The following NRXN3 variants were observed in gnomAD, a reference collection of about 807,000 sequenced individuals.
The protein encoded by NRXN3 is neurexin 3.
Under a neutral mutation model 137.6 loss-of-function variants are expected in NRXN3, and 32 were observed. That is an observed-to-expected ratio of 0.23 (90% CI 0.18 to 0.31). The LOEUF is 0.31. Among genes scored for constraint, NRXN3 ranks in the 10% least tolerant of loss-of-function variants. The pLI, the probability that NRXN3 is intolerant of heterozygous loss-of-function variation, is 1.00. For synonymous variants in NRXN3, 798 were observed against 784.5 expected (o/e 1.02, Z -0.29); for missense variants, 1,574 against 2,062.5 (o/e 0.76, Z 4.59).
chr14:78,252,002 C>A (rs1264378322), intron 2 of NRXN3, among the ~76,000 whole-genome samples: 1 of 152,056 alleles, frequency 6.6e-6, no homozygotes, highest in Non-Finnish European at 1.5e-5. Context: ...AGTGGGTTGT[C>A]ATTATTGCTG....
At chr14:78,526,874 C>A in intron 4 of NRXN3, 3 of 445,802 alleles carry the variant, frequency 6.7e-6, no homozygotes, top group South Asian at 4.9e-5. Flanking sequence ...CAGAAATACA[C>A]CAAAGAAGCT....
intron 4 of NRXN3, among the ~76,000 whole-genome samples, chr14:78,588,775 A>C (rs1193905176): frequency 1.3e-5 from 2 of 152,230 alleles, no homozygotes; most frequent in Non-Finnish European, 2.9e-5. Flanking sequence ...TTGCTTTCTC[A>C]GTCCCTTGTC....
chr14:78,834,215 A>T (rs1244172148), intron 10 of NRXN3, among the ~76,000 whole-genome samples: 1 of 152,140 alleles, frequency 6.6e-6, no homozygotes, highest in Non-Finnish European at 1.5e-5. Flanking sequence ...GGAAACATTT[A>T]TAAATAAATG....
intron 1 of NRXN3, among the ~76,000 whole-genome samples, chr14:78,189,921 C>T (rs1040766519): frequency 6.6e-6 from 1 of 152,188 alleles, no homozygotes. Context: ...GCACTTTCCT[C>T]CCCTAGCACT....
rs545853025 is a variant in NRXN3, at chr14:78,170,952, CTTTT to C, written c.-704+294_-704+297del. The stretch of plus-strand genomic sequence containing the variant: ...TGTTTTAGATTTTTATCTTCTTCTT[CTTTT>C]TTTTTTTTTTTTTTTGAGTCTTTCT... On this transcript the variant is annotated intron_variant, in intron 1 of 20. Coordinates refer to ENST00000335750, the MANE Select transcript of NRXN3 (RefSeq NM_001330195.2). Among the ~76,000 whole-genome samples the C allele has an allele frequency of 1.9e-3, 241 of 126,162 alleles. 1 individual carries two copies. The East Asian group carries it at 0.023, about 12-fold the overall frequency. The allele number at this position is 126,162 out of a possible 152,430, so 82.8% of individuals were successfully genotyped here.
intron 15 of NRXN3, among the ~76,000 whole-genome samples, chr14:79,175,663 A>G (rs1018365694): frequency 7.9e-5 from 12 of 152,218 alleles, no homozygotes; most frequent in African/African-American, 2.7e-4. Context: ...TTACACGTTC[A>G]CTGTTTTCAT....
chr14:79,596,555 G>A (rs1019306720), intron 16 of NRXN3, among the ~76,000 whole-genome samples: 28 of 150,652 alleles, frequency 1.9e-4, no homozygotes, highest in Admixed American at 1.7e-3. Flanking sequence ...ACCTGAGAGG[G>A]GCTTCTGGCC....
chr14:79,706,320 C>T (rs968163052), intron 19 of NRXN3, among the ~76,000 whole-genome samples: 4 of 152,076 alleles, frequency 2.6e-5, no homozygotes, highest in African/African-American at 7.2e-5. Flanking sequence ...TTCTTCCTTT[C>T]CAAATAACTT....
chr14:79,790,918 G>T (rs1402890584), intron 19 of NRXN3, among the ~76,000 whole-genome samples: 1 of 151,910 alleles, frequency 6.6e-6, no homozygotes, highest in East Asian at 1.9e-4. Flanking sequence ...CAAAGTGCTG[G>T]GATTACAGGC....
At chr14:79,766,565 A>G (rs1297348110) in intron 19 of NRXN3, among the ~76,000 whole-genome samples, 1 of 152,182 alleles carries the variant, frequency 6.6e-6, no homozygotes, top group Non-Finnish European at 1.5e-5. Flanking sequence ...ATTCTGGGGA[A>G]TTGGATTCAA....
rs1347762369 is a variant in NRXN3 at position 79,049,050 on chromosome 14, AAAAAAAAAAAAAAAAAAAAAAAAAT to A, written c.3262+60912_3262+60936del. Among the ~76,000 whole-genome samples the A allele has an allele frequency of 1.0e-3, 67 of 64,866 alleles. 2 individuals are homozygous for A. The highest frequency in any genetic ancestry group is 3.5e-3 in the African/African-American group (55 of 15,794). The allele number at this position is 64,866 out of a possible 152,430, so 42.6% of individuals were successfully genotyped here. A position where few individuals can be genotyped will look rare whatever the true frequency, so the allele number is the denominator to read the frequency against. ...AAAAAAAAAAAAAAAAAAAAAAAAA[AAAAAAAAAAAAAAAAAAAAAAAAAT>A]AATAATAATAATAATAATAATATGA... On this transcript the variant is annotated intron_variant, in intron 15 of 20. Coordinates refer to ENST00000335750, the MANE Select transcript of NRXN3 (RefSeq NM_001330195.2).
chr14:78,556,107 C>G (rs1413089316), intron 4 of NRXN3, among the ~76,000 whole-genome samples: 1 of 152,206 alleles, frequency 6.6e-6, no homozygotes, highest in Non-Finnish European at 1.5e-5. Flanking sequence ...CAGGCTGCTG[C>G]TGAAGAGGTG....
At chr14:78,249,972 A>G in intron 2 of NRXN3, 1 of 380,566 alleles carries the variant, frequency 2.6e-6, no homozygotes, top group Non-Finnish European at 5.2e-6. Flanking sequence ...TTTAGTAACA[A>G]TGATAGCTAA....
At chr14:78,887,191 ATATT>A (rs2099146231) in intron 10 of NRXN3, among the ~76,000 whole-genome samples, 1 of 152,072 alleles carries the variant, frequency 6.6e-6, no homozygotes, top group African/African-American at 2.4e-5. Flanking sequence ...GCCCTATTAG[ATATT>A]TAGAGATTTG....
At chr14:78,338,675 A>G (rs1398571923) in intron 4 of NRXN3, among the ~76,000 whole-genome samples, 2 of 152,204 alleles carry the variant, frequency 1.3e-5, no homozygotes, top group African/African-American at 2.4e-5. Context: ...CAACGAAGTG[A>G]TGGCTTATAA....
chr14:78,467,295 T>G (rs2095136638), intron 4 of NRXN3, among the ~76,000 whole-genome samples: 1 of 152,228 alleles, frequency 6.6e-6, no homozygotes, highest in Non-Finnish European at 1.5e-5. Context: ...TATTATAATG[T>G]TAAATATTTA....
chr14:78,510,412 A>G (rs923446625), intron 4 of NRXN3, among the ~76,000 whole-genome samples: 30 of 152,182 alleles, frequency 2.0e-4, no homozygotes, highest in African/African-American at 7.0e-4. Context: ...CCAGGGAAGC[A>G]GACTAATCCT....
intron 4 of NRXN3, among the ~76,000 whole-genome samples, chr14:78,348,177 A>G (rs2153589810): frequency 6.6e-6 from 1 of 152,272 alleles, no homozygotes; most frequent in East Asian, 1.9e-4. Flanking sequence ...ACTATTCATT[A>G]CCATCACCTG....
intron 10 of NRXN3, among the ~76,000 whole-genome samples, chr14:78,932,618 A>C (rs1324896004): frequency 6.6e-6 from 1 of 152,168 alleles, no homozygotes; most frequent in Non-Finnish European, 1.5e-5. Flanking sequence ...TAAGGGTTGG[A>C]AAAAGGAGTG....
Sources: gnomAD v4.1 joint callset for allele counts (sites outside exome capture counted in the v4.1 genomes callset) on GRCh38, gnomAD v4.1.1 for gene constraint, MANE v1.5 for transcripts, NCBI Gene and HGNC (gene_info 2026-07-23, HGNC 2026-07-21) for gene names.